Variants in TACC2 observed in about 807,000 individuals in gnomAD.
The protein encoded by TACC2 is transforming acidic coiled-coil containing protein 2.
Under a neutral mutation model 227.3 loss-of-function variants are expected in TACC2, and 137 were observed. The ratio of observed to expected loss-of-function variants is 0.60; its 90% CI spans 0.52 to 0.69. The LOEUF (loss-of-function observed/expected upper bound fraction) is 0.69. Among genes scored for constraint, TACC2 ranks in the 30% least tolerant of loss-of-function variants. TACC2 has a pLI of 0.00. For missense variants in TACC2, 3,470 were observed against 3,694.4 expected, an observed-to-expected ratio of 0.94 and a Z score of 1.57; for synonymous variants, 1,523 against 1,487.5, an observed-to-expected ratio of 1.02 and a Z score of -0.55.
At chr10:122,041,515 C>G (rs1272835424) in intron 2 of TACC2, among the ~76,000 whole-genome samples, 1 of 149,618 alleles carries the variant, frequency 6.7e-6, no homozygotes, top group East Asian at 2.0e-4. Context: ...GGCGCGATCT[C>G]GGCTCACTAC....
Position 122,237,357 on chromosome 10 carries a change from GCTAA to G in TACC2, c.8128-35_8128-32del, listed in dbSNP as rs760427445. The G allele has an allele frequency of 7.8e-4, 1,227 of 1,582,154 alleles. 1 individual carries two copies. The highest frequency in any genetic ancestry group is 9.8e-4 in the Non-Finnish European group (1,137 of 1,163,848). On this transcript the variant is annotated intron_variant, in intron 16 of 22. Coordinates refer to ENST00000369005, the MANE Select transcript of TACC2 (RefSeq NM_206862.4). ...TAATCCTCTTTGTCGTATGATTAAT[GCTAA>G]CTGTTTTTTTTTTAATTAAAAACGA...
chr10:122,012,626 C>T (rs1380168270), intron 1 of TACC2, among the ~76,000 whole-genome samples: 2 of 152,018 alleles, frequency 1.3e-5, no homozygotes, highest in African/African-American at 4.8e-5. Flanking sequence ...AGGCAAAAAG[C>T]AAACTCTCAG....
At chr10:122,123,791 T>C (rs553598256) in intron 5 of TACC2, among the ~76,000 whole-genome samples, 76 of 150,364 alleles carry the variant, frequency 5.1e-4, no homozygotes, top group African/African-American at 1.8e-3. Context: ...TGTTCTTGAG[T>C]TGGGTTGCTG....
At chr10:122,233,819 G>A (rs2095805496) in intron 16 of TACC2, among the ~76,000 whole-genome samples, 1 of 152,316 alleles carries the variant, frequency 6.6e-6, no homozygotes, top group East Asian at 1.9e-4. Flanking sequence ...GCTGTTGCCA[G>A]TGGTGCCACC....
intron 2 of TACC2, among the ~76,000 whole-genome samples, chr10:122,047,725 C>T (rs3981027): frequency 0.16 from 24,764 of 152,204 alleles, 2,331 homozygotes; most frequent in African/African-American, 0.25. Flanking sequence ...TCCATCTTTC[C>T]CTTAAGACAG....
Position 122,216,630 on chromosome 10 carries a change from C to G in TACC2, c.7348C>G (p.Pro2450Ala). 1 of 1,613,464 alleles carries G rather than the reference C, an allele frequency of 6.2e-7. No individual in the cohort carries two copies. The highest frequency in any genetic ancestry group is 8.5e-7 in the Non-Finnish European group (1 of 1,179,756). ...SPLSDPPSQD[P>A]TPAATPETPP... ...ACAGTTTCTCTTCTCTTTGCAGGAC[C>G]CCACCCCAGCTGCTACACCAGAAAC... The change falls in exon 11 of 23, where the codon CCC becomes GCC. Residue 2450 changes from proline to alanine, a missense_variant. By Grantham distance (27) the Pro-to-Ala change is conservative. Transcript: ENST00000369005.
chr10:122,195,474 C>T (rs1025117629), intron 8 of TACC2, among the ~76,000 whole-genome samples: 1 of 152,106 alleles, frequency 6.6e-6, no homozygotes, highest in African/African-American at 2.4e-5. Context: ...GCACTTGGCC[C>T]CTTGCTCTTT....
intron 7 of TACC2, among the ~76,000 whole-genome samples, chr10:122,183,927 G>A (rs888689549): frequency 1.3e-5 from 2 of 152,156 alleles, no homozygotes; most frequent in Admixed American, 6.5e-5. Context: ...GAGAGTGGGA[G>A]CTTATCTGTC....
Position 122,087,371 on chromosome 10 carries a change from C to T in TACC2, c.4871C>T (p.Pro1624Leu). The T allele has an allele frequency of 6.2e-7, 1 of 1,614,054 alleles. No homozygotes were observed. Among genetic ancestry groups the T allele is most frequent in the Non-Finnish European group, 8.5e-7 (1 of 1,180,038 alleles). ...GPGDFAHTGV[P>L]GHVPRSTCAP... ...GGGGACTTTGCTCACACAGGGGTTC[C>T]AGGACATGTGCCAAGGTCCACGTGT... Residue 1624 changes from proline (P) to leucine (L), a missense_variant, in exon 4 of 23, where the codon CCA becomes CTA. Physicochemically the swap from Pro to Leu is moderately conservative, Grantham distance 98. This residue lies in a region of TACC2 where 1,924 missense variants were observed against 1,978.3 expected (regional missense o/e 0.97). Transcript: ENST00000369005.
At chr10:122,253,721 C>CA (rs1379252513) in intron 22 of TACC2, among the ~76,000 whole-genome samples, 2 of 152,244 alleles carry the variant, frequency 1.3e-5, no homozygotes, top group Admixed American at 1.3e-4. Context: ...CTACATTTAT[C>CA]ACCTCATTTA....
chr10:122,230,290 AAAC>A, intron 15 of TACC2, 58 bp from the exon 16 acceptor site: 1 of 1,409,828 alleles, frequency 7.1e-7, no homozygotes, highest in South Asian at 1.2e-5. Flanking sequence ...TCGGATGTGG[AAAC>A]CATTGACGTC....
rs548713732 is a variant in TACC2, at chr10:122,191,713, T to G, written c.5835-3327T>G. On this transcript the variant is annotated intron_variant, in intron 7 of 22. Coordinates refer to ENST00000369005, the MANE Select transcript of TACC2 (RefSeq NM_206862.4). Reference sequence around the variant, plus strand: ...TGTGGTGGACATAGCATATGCATAGTCTGATAAATATATTTGCCTATAATT... The same window carrying G: ...TGTGGTGGACATAGCATATGCATAGGCTGATAAATATATTTGCCTATAATT... Among the ~76,000 whole-genome samples, 103 of 152,352 alleles carry G rather than the reference T, an allele frequency of 6.8e-4. 1 individual carries two copies. Among genetic ancestry groups the G allele is most frequent in the African/African-American group, 2.4e-3 (101 of 41,584 alleles).
At chr10:122,156,344 C>T (rs1592705477) in intron 7 of TACC2, among the ~76,000 whole-genome samples, 2 of 151,588 alleles carry the variant, frequency 1.3e-5, no homozygotes, top group South Asian at 4.2e-4. Context: ...CTGTCTCTGC[C>T]TCCCGAGTAA....
At chr10:122,000,412 C>G (rs1385295348) in intron 1 of TACC2, among the ~76,000 whole-genome samples, 1 of 152,066 alleles carries the variant, frequency 6.6e-6, no homozygotes, top group Non-Finnish European at 1.5e-5. Context: ...CAAATCAAAA[C>G]TAGCTTACTT....
chr10:122,078,034 A>G (rs1187360410), intron 3 of TACC2, among the ~76,000 whole-genome samples: 2 of 151,882 alleles, frequency 1.3e-5, no homozygotes, highest in Non-Finnish European at 2.9e-5. Flanking sequence ...ATCTCTACTA[A>G]AAATACAAAA....
chr10:122,213,230 C>G, intron 9 of TACC2: 4 of 1,109,356 alleles, frequency 3.6e-6, no homozygotes, highest in Non-Finnish European at 5.4e-6. Context: ...GGGCATTGCC[C>G]TACAGCGGTG....
intron 5 of TACC2, among the ~76,000 whole-genome samples, chr10:122,096,764 T>C (rs1013429005): frequency 1.3e-5 from 2 of 152,058 alleles, no homozygotes; most frequent in African/African-American, 2.4e-5. Context: ...ACATGTGGTT[T>C]TTCCACTGAT....
At position 122,128,240 on chromosome 10, in the gene TACC2, C is replaced by T. The variant is rs919525638; in HGVS notation, c.5574-4369C>T. Among the ~76,000 whole-genome samples, 14 of 152,110 alleles carry T rather than the reference C, an allele frequency of 9.2e-5. No individual in the cohort carries two copies. In the East Asian group the frequency reaches 9.7e-4, roughly 11 times the overall value. ...GGTGGGCCTGGACTGGAATCCAGTC[C>T]CCTCAACTTCACATACGGTGGTTAC... is the stretch of plus-strand genomic sequence containing the variant. On this transcript the variant is annotated intron_variant, in intron 5 of 22. Transcript: ENST00000369005.
At chr10:122,060,247 G>C (rs141527951) in intron 3 of TACC2, among the ~76,000 whole-genome samples, 4 of 152,302 alleles carry the variant, frequency 2.6e-5, no homozygotes, top group African/African-American at 4.8e-5. Flanking sequence ...ATTTCCTTCT[G>C]GTGCTGGGGA....
Sources: gnomAD v4.1 joint callset for allele counts (sites outside exome capture counted in the v4.1 genomes callset) on GRCh38, gnomAD v4.1.1 for gene constraint, gnomAD v4.1.1 regional missense constraint, MANE v1.5 for transcripts, NCBI Gene and HGNC (gene_info 2026-07-23, HGNC 2026-07-21) for gene names.